Variants in TSHZ2 observed in about 807,000 individuals in gnomAD.
TSHZ2 encodes teashirt homolog 2.
In TSHZ2, 21 loss-of-function variants were observed where a neutral mutation model predicts 74.4. The observed-to-expected ratio is 0.28, with a 90% CI of 0.20 to 0.41. The LOEUF is 0.41. TSHZ2 is among the 10% of genes least tolerant of loss of function. The probability of loss-of-function intolerance (pLI) is 1.00; values close to 1 mark genes in which losing one functional copy is unlikely to be tolerated. For synonymous variants in TSHZ2, 540 were observed against 515.3 expected (o/e 1.05, Z -0.65); for missense variants, 1,244 against 1,293.5 (o/e 0.96, Z 0.59).
chr20:53,021,064 C>A (rs1212513778), intron 1 of TSHZ2, among the ~76,000 whole-genome samples: 2 of 152,220 alleles, frequency 1.3e-5, no homozygotes, highest in Admixed American at 1.3e-4. Context: ...ACATTTGTTG[C>A]TGTTATGACT....
intron 1 of TSHZ2, among the ~76,000 whole-genome samples, chr20:53,102,369 T>A (rs1464475871): frequency 6.6e-6 from 1 of 150,736 alleles, no homozygotes; most frequent in Non-Finnish European, 1.5e-5. Context: ...TTTCACTTTT[T>A]GTCACATAGA....
intron 1 of TSHZ2, chr20:53,208,651 A>G (rs929277162): frequency 1.3e-5 from 2 of 152,162 alleles, no homozygotes; most frequent in African/African-American, 4.8e-5. Flanking sequence ...AAGGTCGCCA[A>G]CAATCCTGTA....
chr20:53,341,023 G>C (rs1484358729), intron 2 of TSHZ2, among the ~76,000 whole-genome samples: 1 of 152,134 alleles, frequency 6.6e-6, no homozygotes, highest in African/African-American at 2.4e-5. Flanking sequence ...ATAAGTTTTA[G>C]GTCTGCTATT....
chr20:53,009,113 G>T (rs897388931), intron 1 of TSHZ2, among the ~76,000 whole-genome samples: 36 of 151,600 alleles, frequency 2.4e-4, no homozygotes, highest in Non-Finnish European at 2.9e-5. Flanking sequence ...AGGATTGCTT[G>T]AGCCCAGGAG....
At chr20:53,319,831 A>G (rs1260330376) in intron 2 of TSHZ2, among the ~76,000 whole-genome samples, 3 of 152,238 alleles carry the variant, frequency 2.0e-5, no homozygotes. Flanking sequence ...ACATGTGGCC[A>G]TTATTCCTGT....
chr20:53,184,852 C>T (rs2010372), intron 1 of TSHZ2, among the ~76,000 whole-genome samples: 71,949 of 152,004 alleles, frequency 0.47, 18,036 homozygotes, highest in East Asian at 0.78. Context: ...GGATTACAAC[C>T]GTGCACCACC....
intron 1 of TSHZ2, among the ~76,000 whole-genome samples, chr20:53,111,996 C>T (rs1986546203): frequency 6.6e-6 from 1 of 152,182 alleles, no homozygotes; most frequent in South Asian, 2.1e-4. Flanking sequence ...ACGTGTCTAA[C>T]CCTGACTGTC....
chr20:53,080,690 G>A (rs1048737920), intron 1 of TSHZ2, among the ~76,000 whole-genome samples: 1 of 152,298 alleles, frequency 6.6e-6, no homozygotes, highest in African/African-American at 2.4e-5. Context: ...AGAAGGCAGA[G>A]TTTAGGTGGT....
chr20:53,298,574 G>C (rs1482659243), intron 2 of TSHZ2, among the ~76,000 whole-genome samples: 1 of 152,212 alleles, frequency 6.6e-6, no homozygotes, highest in African/African-American at 2.4e-5. Context: ...AAACAGCAAG[G>C]GGGATAGTAC....
chr20:53,044,607 C>T (rs1984158682), intron 1 of TSHZ2, among the ~76,000 whole-genome samples: 3 of 152,218 alleles, frequency 2.0e-5, no homozygotes, highest in South Asian at 4.1e-4. Context: ...GCACCCCCTT[C>T]ACCAACTCTG....
At chr20:53,068,693 G>T (rs1985073986) in intron 1 of TSHZ2, among the ~76,000 whole-genome samples, 1 of 152,186 alleles carries the variant, frequency 6.6e-6, no homozygotes, top group Admixed American at 6.5e-5. Flanking sequence ...ATTATTAAAT[G>T]AATAAGTATA....
At chr20:53,267,075 G>A (rs144221196) in intron 2 of TSHZ2, among the ~76,000 whole-genome samples, 176 of 152,316 alleles carry the variant, frequency 1.2e-3, no homozygotes, top group Middle Eastern at 3.4e-3. Flanking sequence ...ACCACGCCCG[G>A]CCTCGATGAT....
At chr20:53,202,364 G>A (rs551707382) in intron 1 of TSHZ2, among the ~76,000 whole-genome samples, 11 of 152,262 alleles carry the variant, frequency 7.2e-5, no homozygotes, top group East Asian at 1.9e-4. Flanking sequence ...GTTTGGAATC[G>A]TCGCACAGAA....
chr20:53,138,614 C>T (rs762865689), intron 1 of TSHZ2, among the ~76,000 whole-genome samples: 2 of 152,072 alleles, frequency 1.3e-5, no homozygotes, highest in Non-Finnish European at 2.9e-5. Flanking sequence ...TTCCTTTTAT[C>T]TATTCTAGAT....
At chr20:52,986,401 C>CAAAA (rs34991984) in intron 1 of TSHZ2, among the ~76,000 whole-genome samples, 3 of 120,796 alleles carry the variant, frequency 2.5e-5, no homozygotes, top group East Asian at 2.8e-4. Flanking sequence ...AAGAATCCAT[C>CAAAA]AAAAAAAAAA....
chr20:53,310,503 C>T (rs1199735717), intron 2 of TSHZ2, among the ~76,000 whole-genome samples: 1 of 152,234 alleles, frequency 6.6e-6, no homozygotes, highest in African/African-American at 2.4e-5. Flanking sequence ...TAGGTGAGCC[C>T]TCTGCATCAG....
chr20:53,263,946 C>G (rs1214441486), intron 2 of TSHZ2, among the ~76,000 whole-genome samples: 1 of 152,286 alleles, frequency 6.6e-6, no homozygotes. Flanking sequence ...AGGACTTGGC[C>G]GGGAGGGTTC....
intron 2 of TSHZ2, among the ~76,000 whole-genome samples, chr20:53,392,495 G>A (rs932718236): frequency 1.3e-5 from 2 of 152,118 alleles, no homozygotes; most frequent in African/African-American, 4.8e-5. Flanking sequence ...TTTTCATGGT[G>A]TACTTAAGAT....
At chr20:53,441,765 A>T (rs941370664) in intron 2 of TSHZ2, among the ~76,000 whole-genome samples, 5 of 151,874 alleles carry the variant, frequency 3.3e-5, no homozygotes, top group African/African-American at 4.8e-5. Flanking sequence ...TATTTTCAAT[A>T]GAGGCAGGGT....
Sources: gnomAD v4.1 joint callset for allele counts (sites outside exome capture counted in the v4.1 genomes callset) on GRCh38, gnomAD v4.1.1 for gene constraint, MANE v1.5 for transcripts, NCBI Gene and HGNC (gene_info 2026-07-23, HGNC 2026-07-21) for gene names.